GTF2E1: variants seen among roughly 807,000 people sequenced by gnomAD.
The protein encoded by GTF2E1 is TFIIE alpha subunit.
Under a neutral mutation model 34.9 loss-of-function variants are expected in GTF2E1, and 14 were observed. That is an observed-to-expected ratio of 0.40 (90% CI 0.27 to 0.63). The LOEUF is 0.63. GTF2E1 is among the 20% of genes least tolerant of loss of function. The pLI, the probability that GTF2E1 is intolerant of heterozygous loss-of-function variation, is 0.39. For synonymous variants in GTF2E1, 188 were observed against 192.9 expected, an observed-to-expected ratio of 0.97 and a Z score of 0.21; for missense variants, 469 against 557.7, an observed-to-expected ratio of 0.84 and a Z score of 1.60.
intron 2 of GTF2E1, among the ~76,000 whole-genome samples, chr3:120,759,741 A>G (rs756992929): frequency 1.1e-4 from 17 of 152,176 alleles, no homozygotes; most frequent in Non-Finnish European, 2.1e-4. Context: ...CAAAGATCAG[A>G]TGGTTATAGA....
intron 2 of GTF2E1, among the ~76,000 whole-genome samples, chr3:120,767,824 T>C (rs1469092464): frequency 6.6e-6 from 1 of 152,208 alleles, no homozygotes; most frequent in Non-Finnish European, 1.5e-5. Flanking sequence ...AGGTGCCTTA[T>C]GACTATATAC....
In GTF2E1 at chr3:120,750,590, C is replaced by T. The variant is rs751995153; in HGVS notation, c.38C>T (p.Ala13Val). The T allele has an allele frequency of 6.2e-7, 1 of 1,613,682 alleles. No individual in the cohort carries two copies. Among genetic ancestry groups the T allele is most frequent in the African/African-American group, 1.3e-5 (1 of 74,990 alleles). Residue 13 changes from alanine to valine, a missense_variant, in exon 2 of 5, where the codon GCA becomes GTA. Transcript: ENST00000283875. ...GATGTCCTCACTGAAGTTCCAGCAG[C>T]ATTGAAGCGGTTAGCCAAGTATGTG... ...DPDVLTEVPA[A>V]LKRLAKYVIR...
At chr3:120,763,397 G>T (rs1422219668) in intron 2 of GTF2E1, among the ~76,000 whole-genome samples, 1 of 151,676 alleles carries the variant, frequency 6.6e-6, no homozygotes, top group African/African-American at 2.4e-5. Context: ...TTGAATTTTG[G>T]GGGGTGGTTT....
chr3:120,774,571 A>G (rs1201732139), intron 3 of GTF2E1, among the ~76,000 whole-genome samples: 1 of 152,054 alleles, frequency 6.6e-6, no homozygotes, highest in African/African-American at 2.4e-5. Flanking sequence ...CAATGAATGC[A>G]GAAAGAAATA....
intron 2 of GTF2E1, among the ~76,000 whole-genome samples, chr3:120,765,945 C>T (rs906262154): frequency 2.0e-5 from 3 of 152,130 alleles, no homozygotes; most frequent in African/African-American, 4.8e-5. Context: ...CTTGGATTCA[C>T]CATTTCTGGG....
At chr3:120,764,165 C>G (rs1709287959) in intron 2 of GTF2E1, among the ~76,000 whole-genome samples, 1 of 152,206 alleles carries the variant, frequency 6.6e-6, no homozygotes, top group Non-Finnish European at 1.5e-5. Context: ...GAGCAACACC[C>G]CTTTCCCTTC....
intron 3 of GTF2E1, among the ~76,000 whole-genome samples, chr3:120,771,533 G>T (rs1458959235): frequency 6.6e-6 from 1 of 151,944 alleles, no homozygotes; most frequent in Non-Finnish European, 1.5e-5. Context: ...ATGAAAATTG[G>T]GGTCAGGGAG....
intron 2 of GTF2E1, among the ~76,000 whole-genome samples, chr3:120,770,384 C>G (rs1288937753): frequency 6.6e-6 from 1 of 152,014 alleles, no homozygotes; most frequent in African/African-American, 2.4e-5. Context: ...ACAAAAAAGA[C>G]TAAAGCTGCC....
At chr3:120,770,625 T>C in intron 2 of GTF2E1, 103 bp from the exon 3 acceptor site, 1 of 789,594 alleles carries the variant, frequency 1.3e-6, no homozygotes, top group Non-Finnish European at 2.2e-6. Flanking sequence ...TCAACCTTTG[T>C]GTATATTTGA....
chr3:120,747,124 A>G (rs1222378923), intron 1 of GTF2E1, among the ~76,000 whole-genome samples: 2 of 151,246 alleles, frequency 1.3e-5, no homozygotes, highest in East Asian at 3.9e-4. Flanking sequence ...TTTTTTTGAG[A>G]CTGAGTTTCG....
chr3:120,747,043 T>C (rs534251133), intron 1 of GTF2E1, among the ~76,000 whole-genome samples: 1 of 152,136 alleles, frequency 6.6e-6, no homozygotes, highest in African/African-American at 2.4e-5. Flanking sequence ...ATTACACAGT[T>C]ACCAAAACAC....
At chr3:120,743,555 C>T (rs561606412) in intron 1 of GTF2E1, among the ~76,000 whole-genome samples, 14 of 152,074 alleles carry the variant, frequency 9.2e-5, no homozygotes, top group Non-Finnish European at 2.9e-5. Flanking sequence ...GAAGTCTGGT[C>T]TTAGAGATAG....
At chr3:120,763,522 TTA>T (rs1173371418) in intron 2 of GTF2E1, among the ~76,000 whole-genome samples, 1 of 152,194 alleles carries the variant, frequency 6.6e-6, no homozygotes, top group African/African-American at 2.4e-5. Context: ...TATATTAGTG[TTA>T]TGTCTTGAAA....
Position 120,781,092 on chromosome 3 carries a change from G to T in GTF2E1, c.942G>T (p.Gly314=), listed in dbSNP as rs565266690. The change falls in exon 5 of 5, where the codon GGG becomes GGT. Residue 314 remains glycine (G), a synonymous_variant. Coordinates refer to ENST00000283875, the MANE Select transcript of GTF2E1 (RefSeq NM_005513.3). ...AGGAGCGTGAGGAAGGCCATGCTGG[G>T]CCTGATGACAACGAAGAGGTCATGC... ...AFQEREEGHA[G]PDDNEEVMRA... 45 of 1,614,048 alleles carry T rather than the reference G, an allele frequency of 2.8e-5. No homozygotes were observed. In the South Asian group the frequency reaches 4.3e-4, roughly 15 times the overall value.
intron 1 of GTF2E1, among the ~76,000 whole-genome samples, chr3:120,743,538 A>G (rs1267892807): frequency 6.6e-6 from 1 of 152,190 alleles, no homozygotes; most frequent in Non-Finnish European, 1.5e-5. Flanking sequence ...TAATTGGTGA[A>G]CAAGATGAAG....
rs529076853 is a variant in GTF2E1, at chr3:120,745,591, C to G, written c.-31+2797C>G. The stretch of plus-strand genomic sequence containing the variant: ...TTCTTAAAACGTTCCCTAGATGATT[C>G]TGCCTTACAACCAGGCTTGAGAACT... On this transcript the variant is annotated intron_variant, in intron 1 of 4. Coordinates refer to ENST00000283875, the MANE Select transcript of GTF2E1 (RefSeq NM_005513.3). 3.4e-3 allele frequency among the ~76,000 whole-genome samples: 512 copies of G among 152,266 alleles called. 4 individuals carry two copies. Among genetic ancestry groups the G allele is most frequent in the Non-Finnish European group, 4.1e-3 (276 of 68,012 alleles).
chr3:120,768,932 C>T (rs959860652), intron 2 of GTF2E1, among the ~76,000 whole-genome samples: 6 of 152,176 alleles, frequency 3.9e-5, no homozygotes, highest in African/African-American at 1.4e-4. Flanking sequence ...GAAACACCAT[C>T]CTGTCACTCT....
intron 2 of GTF2E1, among the ~76,000 whole-genome samples, chr3:120,767,160 G>A (rs981589140): frequency 6.6e-6 from 1 of 152,034 alleles, no homozygotes. Context: ...TGCTAGATGT[G>A]GTATTTATTG....
At chr3:120,752,654 G>A (rs920826345) in intron 2 of GTF2E1, among the ~76,000 whole-genome samples, 1 of 152,200 alleles carries the variant, frequency 6.6e-6, no homozygotes, top group Non-Finnish European at 1.5e-5. Flanking sequence ...TAGATGGCCT[G>A]TGGAAGAGAT....
Sources: allele counts gnomAD v4.1 joint callset (sites outside exome capture counted in the v4.1 genomes callset), GRCh38; gene constraint gnomAD v4.1.1; transcripts MANE v1.5; gene names NCBI Gene and HGNC (gene_info 2026-07-23, HGNC 2026-07-21).